DCAF5: variants seen among roughly 807,000 people sequenced by gnomAD.
The protein encoded by DCAF5 is DDB1- and CUL4-associated factor 5.
A neutral mutation model predicts 80.7 loss-of-function variants in DCAF5; 9 were observed. The observed-to-expected ratio is 0.11, with a 90% CI of 0.07 to 0.19. The LOEUF (loss-of-function observed/expected upper bound fraction) is 0.19. DCAF5 is among the 10% of genes least tolerant of loss of function. The pLI is 1.00. For missense variants in DCAF5, 842 were observed against 1,205.7 expected, an observed-to-expected ratio of 0.70 and a Z score of 4.47; for synonymous variants, 433 against 461.9, an observed-to-expected ratio of 0.94 and a Z score of 0.80.
chr14:69,116,239 T>C (rs925851455), intron 5 of DCAF5, 127 bp downstream of exon 5: 30 of 1,149,936 alleles, frequency 2.6e-5, no homozygotes, highest in South Asian at 4.9e-5. Context: ...AGAGACACTA[T>C]ATATCTTAAG....
chr14:69,056,185 A>G (rs1386995707), intron 8 of DCAF5, among the ~76,000 whole-genome samples: 2 of 152,190 alleles, frequency 1.3e-5, no homozygotes, highest in African/African-American at 2.4e-5. Context: ...GGAGCTTGAT[A>G]AGAATAGCCA....
At chr14:69,086,542 T>C (rs2139948606) in intron 6 of DCAF5, among the ~76,000 whole-genome samples, 1 of 151,156 alleles carries the variant, frequency 6.6e-6, no homozygotes, top group East Asian at 1.9e-4. Context: ...ATTAAAAGTA[T>C]ATCTTTATTT....
intron 6 of DCAF5, chr14:69,083,644 A>T: frequency 1.2e-5 from 7 of 585,684 alleles, no homozygotes; most frequent in Non-Finnish European, 1.9e-5. Flanking sequence ...TATAAAAGTT[A>T]AAAAATCTCC....
intron 1 of DCAF5, 44 bp from the exon 2 acceptor site, chr14:69,122,404 G>A (rs1245283406): frequency 1.3e-5 from 21 of 1,579,184 alleles, no homozygotes; most frequent in African/African-American, 1.2e-4. Context: ...AGCTGACATC[G>A]CAAGGCTGAC....
intron 7 of DCAF5, among the ~76,000 whole-genome samples, chr14:69,074,478 T>A (rs75199538): frequency 0.013 from 2,021 of 152,322 alleles, 42 homozygotes; most frequent in African/African-American, 0.047. Context: ...ATAGCTTAAA[T>A]ACAAATTTAT....
rs1207498303 is a variant in DCAF5, at chr14:69,053,994, T to C, written c.2692A>G (p.Arg898Gly). The C allele has an allele frequency of 5.0e-6, 8 of 1,612,900 alleles. No individual in the cohort carries two copies. The highest frequency in any genetic ancestry group is 5.9e-6 in the Non-Finnish European group (7 of 1,179,098). ...MACETPNAGT[R>G]EDPTDTPATD... is the part of the protein sequence containing the mutation. ...GCTGGGGTGTCAGTGGGGTCCTCTCTTGTTCCAGCATTGGGGGTCTCACAG... is the reference window on the plus strand; with the variant it reads ...GCTGGGGTGTCAGTGGGGTCCTCTCCTGTTCCAGCATTGGGGGTCTCACAG... The change falls in exon 9 of 9, where the codon AGA becomes GGA. Residue 898 changes from arginine (R) to glycine (G), a missense_variant. Arg to Gly is a moderately radical substitution (Grantham distance 125). Coordinates refer to ENST00000341516, the MANE Select transcript of DCAF5 (RefSeq NM_003861.3).
chr14:69,097,582 A>ATTTTTT (rs755644268), intron 5 of DCAF5, among the ~76,000 whole-genome samples: 12 of 125,294 alleles, frequency 9.6e-5, no homozygotes, highest in African/African-American at 1.5e-4. Flanking sequence ...TATTATTATT[A>ATTTTTT]TTTTTTTTTT....
intron 8 of DCAF5, among the ~76,000 whole-genome samples, chr14:69,057,309 G>A (rs2038014562): frequency 6.6e-6 from 1 of 151,596 alleles, no homozygotes; most frequent in African/African-American, 2.4e-5. Context: ...TGGTGGCTTA[G>A]AAAGGAAGCT....
At chr14:69,058,829 G>A (rs192803828) in intron 8 of DCAF5, among the ~76,000 whole-genome samples, 5 of 149,754 alleles carry the variant, frequency 3.3e-5, no homozygotes, top group East Asian at 2.0e-4. Context: ...AGCCATGATC[G>A]TGCCACTGTA....
intron 6 of DCAF5, 46 bp downstream of exon 6, chr14:69,091,628 G>T: frequency 6.5e-7 from 1 of 1,544,306 alleles, no homozygotes; most frequent in Non-Finnish European, 8.9e-7. Flanking sequence ...AGAACAATCA[G>T]AAAGAAAAGC....
intron 6 of DCAF5, among the ~76,000 whole-genome samples, chr14:69,077,232 T>C (rs2038934094): frequency 1.3e-5 from 2 of 152,192 alleles, no homozygotes; most frequent in Non-Finnish European, 1.5e-5. Flanking sequence ...TGACAGCGTC[T>C]TGCTGTGTTG....
intron 1 of DCAF5, among the ~76,000 whole-genome samples, chr14:69,146,042 ATGACTCCAAC>A (rs2041527552): frequency 6.6e-6 from 1 of 152,224 alleles, no homozygotes; most frequent in Admixed American, 6.5e-5. Context: ...CCTCATCTAA[ATGACTCCAAC>A]TGTACTTTAC....
In DCAF5 at chr14:69,054,577, G is replaced by A. The variant is rs146646042; in HGVS notation, c.2109C>T (p.Ala703=). 7.4e-6 allele frequency: 12 copies of A among 1,614,196 alleles called. No individual in the cohort carries two copies. Among genetic ancestry groups the A allele is most frequent in the Non-Finnish European group, 1.0e-5 (12 of 1,180,024 alleles). ...RAGTSHKDNP[A]PSSSKEACLN... ...GACAGGCTTCCTTACTGGAAGAAGG[G>A]GCTGGGTTGTCTTTGTGGCTGGTTC... The change falls in exon 9 of 9, where the codon GCC becomes GCT. Residue 703 remains alanine, a synonymous_variant. Coordinates refer to ENST00000341516, the MANE Select transcript of DCAF5 (RefSeq NM_003861.3).
chr14:69,146,220 C>T, intron 1 of DCAF5, among the ~76,000 whole-genome samples: 1 of 152,134 alleles, frequency 6.6e-6, no homozygotes, highest in East Asian at 1.9e-4. Flanking sequence ...TAAAAATGAT[C>T]CTTTGAACAA....
chr14:69,074,220 C>G (rs1249165488), intron 7 of DCAF5, among the ~76,000 whole-genome samples: 1 of 152,204 alleles, frequency 6.6e-6, no homozygotes, highest in Non-Finnish European at 1.5e-5. Flanking sequence ...GCATAGTCCT[C>G]TAATTTTCCT....
chr14:69,107,686 AACCTTAC>A (rs2040210355), intron 5 of DCAF5, among the ~76,000 whole-genome samples: 2 of 152,222 alleles, frequency 1.3e-5, no homozygotes, highest in East Asian at 3.8e-4. Flanking sequence ...CCCAGCAAGA[AACCTTAC>A]ACCTCCTCTA....
At chr14:69,063,301 T>A (rs1049274388) in intron 7 of DCAF5, among the ~76,000 whole-genome samples, 4 of 152,224 alleles carry the variant, frequency 2.6e-5, no homozygotes, top group Non-Finnish European at 5.9e-5. Flanking sequence ...TAGATAAACA[T>A]GTTATCATTT....
chr14:69,142,988 C>T (rs1445644867), intron 1 of DCAF5, among the ~76,000 whole-genome samples: 1 of 152,164 alleles, frequency 6.6e-6, no homozygotes. Context: ...CACATGGTTA[C>T]GTATGGAATA....
At chr14:69,119,466 A>G (rs988450433) in intron 2 of DCAF5, among the ~76,000 whole-genome samples, 2 of 149,414 alleles carry the variant, frequency 1.3e-5, no homozygotes, top group African/African-American at 4.9e-5. Context: ...ACAGTTCCCA[A>G]TGTGTATTAT....
Sources: allele counts gnomAD v4.1 joint callset (sites outside exome capture counted in the v4.1 genomes callset), GRCh38; gene constraint gnomAD v4.1.1; transcripts MANE v1.5; gene names NCBI Gene and HGNC (gene_info 2026-07-23, HGNC 2026-07-21).